The following DOK2 variants were observed in gnomAD, a reference collection of about 807,000 sequenced individuals.
The protein encoded by DOK2 is docking protein 2.
DOK2 carries 28 observed loss-of-function variants against 26.0 expected under a neutral mutation model. The observed-to-expected ratio is 1.08, with a 90% CI of 0.80 to 1.48. The LOEUF (loss-of-function observed/expected upper bound fraction) is 1.48, where lower values mean the gene tolerates loss of function less well. DOK2 is among the 40% of genes most tolerant of loss of function. DOK2 has a pLI of 0.00. For synonymous variants in DOK2, 282 were observed against 236.9 expected (o/e 1.19, Z -1.75); for missense variants, 682 against 558.2 (o/e 1.22, Z -2.23).
At chr8:21,910,883 G>T in intron 3 of DOK2, 26 bp from the exon 4 acceptor site, 1 of 1,576,630 alleles carries the variant, frequency 6.3e-7, no homozygotes, top group South Asian at 1.2e-5. Flanking sequence ...GAGAGAAGGC[G>T]AAGGCAGTTA....
At chr8:21,913,503 G>T in intron 1 of DOK2, 36 bp downstream of exon 1, 1 of 1,612,118 alleles carries the variant, frequency 6.2e-7, no homozygotes, top group Non-Finnish European at 8.5e-7. Context: ...AGCCTCCCAG[G>T]CCCCCTGCCC....
intron 3 of DOK2, 195 bp from the exon 4 acceptor site, chr8:21,911,052 C>G (rs1047986624): frequency 1.6e-5 from 10 of 626,002 alleles, no homozygotes; most frequent in Non-Finnish European, 2.5e-5. Context: ...CCAGGTACCT[C>G]CACCCCCTAC....
In DOK2 at chr8:21,909,501, C is replaced by T; in HGVS notation, c.1049G>A (p.Gly350Glu). ...RPDHIYDEPE[G>E]VAALSLYDSP... is the part of the protein sequence containing the mutation. ...GTCATAGAGGGACAGGGCAGCCACT[C>T]CCTCGGGCTCATCGTATATGTGGTC... is the stretch of plus-strand genomic sequence containing the variant. Residue 350 changes from glycine (G) to glutamate (E), a missense_variant, in exon 5 of 5, where the codon GGA becomes GAA. Coordinates refer to ENST00000276420, the MANE Select transcript of DOK2 (RefSeq NM_003974.4). The T allele has an allele frequency of 6.2e-7, 1 of 1,614,112 alleles. No homozygotes were observed. The highest frequency in any genetic ancestry group is 8.5e-7 in the Non-Finnish European group (1 of 1,180,014).
rs1310419196 is a variant in DOK2, at chr8:21,909,464, C to A, written c.1086G>T (p.Glu362Asp). Residue 362 changes from glutamate to aspartate, a missense_variant, in exon 5 of 5, where the codon GAG becomes GAT. Physicochemically the swap from Glu to Asp is conservative, Grantham distance 45. Coordinates refer to ENST00000276420, the MANE Select transcript of DOK2 (RefSeq NM_003974.4). ...AALSLYDSPQ[E>D]PRGEAWRRQA... is the part of the protein sequence containing the mutation. The stretch of plus-strand genomic sequence containing the variant: ...GCCTCCTCCATGCCTCACCCCGGGG[C>A]TCCTGCGGGCTGTCATAGAGGGACA... 1.2e-6 allele frequency: 2 copies of A among 1,613,582 alleles called. No homozygotes were observed. The highest frequency in any genetic ancestry group is 1.7e-6 in the Non-Finnish European group (2 of 1,179,622).
intron 1 of DOK2, among the ~76,000 whole-genome samples, chr8:21,913,251 A>G (rs1018072888): frequency 1.3e-5 from 2 of 152,134 alleles, no homozygotes; most frequent in African/African-American, 4.8e-5. Context: ...AGAAGTCAAC[A>G]TAGAGCAAGA....
rs1809937418 is a variant in DOK2 at position 21,913,529 on chromosome 8, T to C, written c.63+10A>G. ...CCCCCTGCCCAACCCCAGCCCAGCCTCACTCCTACCTTTCCAAACGTCTGC... is the reference window on the plus strand; with the variant it reads ...CCCCCTGCCCAACCCCAGCCCAGCCCCACTCCTACCTTTCCAAACGTCTGC... On this transcript the variant is annotated intron_variant, in intron 1 of 4. Transcript: ENST00000276420. 2 of 1,613,810 alleles carry C rather than the reference T, an allele frequency of 1.2e-6. No individual in the cohort carries two copies. The highest frequency in any genetic ancestry group is 1.7e-6 in the Non-Finnish European group (2 of 1,179,980).
chr8:21,912,436 G>A lies in DOK2; in HGVS notation c.138C>T (p.Gly46=). ...CCTCACACCGACGAGGCTTCTCCGG[G>A]CCCTCCTGCAGCTCCAGCCGGGCCA... ...CALARLELQE[G]PEKPRRCEAA... is the part of the protein sequence containing the mutation. The change falls in exon 2 of 5, where the codon GGC becomes GGT. Residue 46 remains glycine, a synonymous_variant. Transcript: ENST00000276420. 6.4e-7 allele frequency: 1 copy of A among 1,573,268 alleles called. No individual in the cohort carries two copies. The highest frequency in any genetic ancestry group is 2.4e-5 in the East Asian group (1 of 42,292).
intron 2 of DOK2, 94 bp downstream of exon 2, chr8:21,912,135 C>A: frequency 6.8e-7 from 1 of 1,473,674 alleles, no homozygotes; most frequent in Non-Finnish European, 9.0e-7. Context: ...CCCCATCACC[C>A]TGACCTTGAC....
chr8:21,909,668 G>T lies in DOK2; in HGVS notation c.882C>A (p.Gly294=). The T allele has an allele frequency of 6.2e-7, 1 of 1,612,982 alleles. No homozygotes were observed. Among genetic ancestry groups the T allele is most frequent in the Non-Finnish European group, 8.5e-7 (1 of 1,180,016 alleles). Residue 294 remains glycine, a synonymous_variant, in exon 5 of 5, where the codon GGC becomes GGA. Transcript: ENST00000276420. The stretch of plus-strand genomic sequence containing the variant: ...AGGGCACGGCATACTCCCCCTCCTG[G>T]CCCCGAGGCCGTGGAGCAGGCACCG... ...TTPVPAPRPR[G]QEGEYAVPFD...
intron 4 of DOK2, among the ~76,000 whole-genome samples, chr8:21,910,261 C>G (rs919569754): frequency 6.6e-6 from 1 of 152,014 alleles, no homozygotes; most frequent in Non-Finnish European, 1.5e-5. Flanking sequence ...ATTACAGGCA[C>G]GAGCCACCGC....
In DOK2 at chr8:21,912,518, A is replaced by G. The variant is rs1183503242; in HGVS notation, c.64-8T>C. ...GCCGAAGCGGCGCCATTTCTGTGCC[A>G]GAGGCGTGGGAGGCGGGGGCGGGAG... On this transcript the variant is annotated splice_region_variant and splice_polypyrimidine_tract_variant and intron_variant, in intron 1 of 4. Transcript: ENST00000276420. The G allele has an allele frequency of 6.6e-6, 10 of 1,503,812 alleles. No individual in the cohort carries two copies. Among genetic ancestry groups the G allele is most frequent in the Non-Finnish European group, 8.9e-6 (10 of 1,128,750 alleles). The allele number at this position is 1,503,812 out of a possible 1,614,324, so 93.2% of individuals were successfully genotyped here.
Position 21,909,866 on chromosome 8 carries a change from G to A in DOK2, c.684C>T (p.Thr228=). ...CCAAGAAGATCTCATTGCCTTGCCG[G>A]GTTTCGAACTCAAAGTTGCCCTCTC... ...VSGEGNFEFE[T]RQGNEIFLAL... is the part of the protein sequence containing the mutation. Residue 228 remains threonine (T), a synonymous_variant, in exon 5 of 5, where the codon ACC becomes ACT. Transcript: ENST00000276420. The A allele has an allele frequency of 6.2e-7, 1 of 1,613,872 alleles. No homozygotes were observed. Among genetic ancestry groups the A allele is most frequent in the South Asian group, 1.1e-5 (1 of 91,084 alleles).
At position 21,912,526 on chromosome 8, in the gene DOK2, G is replaced by T; in HGVS notation, c.64-16C>A. 1 of 1,486,766 alleles carries T rather than the reference G, an allele frequency of 6.7e-7. No homozygotes were observed. The allele number at this position is 1,486,766 out of a possible 1,614,324, so 92.1% of individuals were successfully genotyped here. A position where few individuals can be genotyped will look rare whatever the true frequency, so the allele number is the denominator to read the frequency against. ...GGCGCCATTTCTGTGCCAGAGGCGT[G>T]GGAGGCGGGGGCGGGAGGGAGCCAC... On this transcript the variant is annotated splice_polypyrimidine_tract_variant and intron_variant, in intron 1 of 4. Coordinates refer to ENST00000276420, the MANE Select transcript of DOK2 (RefSeq NM_003974.4).
chr8:21,910,555 T>C, intron 4 of DOK2, 118 bp downstream of exon 4: 1 of 1,306,416 alleles, frequency 7.7e-7, no homozygotes, highest in Middle Eastern at 1.8e-4. Flanking sequence ...GTCACTCTAT[T>C]CTTTGCTTCA....
In DOK2 at chr8:21,912,414, C is replaced by A; in HGVS notation, c.160G>T (p.Glu54Ter). The A allele has an allele frequency of 6.3e-7, 1 of 1,586,322 alleles. No individual in the cohort carries two copies. The highest frequency in any genetic ancestry group is 8.6e-7 in the Non-Finnish European group (1 of 1,168,130). Residue 54 changes from glutamate to a stop codon, truncating the protein, a stop_gained, in exon 2 of 5, where the codon GAG (glutamate) becomes TAG (stop). Coordinates refer to ENST00000276420, the MANE Select transcript of DOK2 (RefSeq NM_003974.4). LOFTEE classifies it high-confidence loss of function. ...AGGCGGATGACCTTCCGGGCAGCCT[C>A]ACACCGACGAGGCTTCTCCGGGCCC... ...QEGPEKPRRC[E>*]AARKVIRLSD...
In DOK2 at chr8:21,912,037, C is replaced by T. The variant is rs763226058; in HGVS notation, c.346-49G>A. 3.9e-6 allele frequency: 6 copies of T among 1,528,438 alleles called. No homozygotes were observed. In the African/African-American group the frequency reaches 8.3e-5, roughly 21 times the overall value. The allele number at this position is 1,528,438 out of a possible 1,614,324, so 94.7% of individuals were successfully genotyped here. A position where few individuals can be genotyped will look rare whatever the true frequency, so the allele number is the denominator to read the frequency against. ...ATCACCTTCCCCGATCCCCAGGCCCCCCTCTGGCCCAGGCCTTCTTTCAGG... is the reference window on the plus strand; with the variant it reads ...ATCACCTTCCCCGATCCCCAGGCCCTCCTCTGGCCCAGGCCTTCTTTCAGG... On this transcript the variant is annotated intron_variant, in intron 2 of 4. Coordinates refer to ENST00000276420, the MANE Select transcript of DOK2 (RefSeq NM_003974.4).
intron 4 of DOK2, 70 bp downstream of exon 4, chr8:21,910,603 T>C (rs1333397555): frequency 6.3e-7 from 1 of 1,583,732 alleles, no homozygotes; most frequent in Non-Finnish European, 8.6e-7. Context: ...ATCCCCTCGC[T>C]GCTTCTCACC....
chr8:21,909,972 G>A (rs1304412253), intron 4 of DOK2, 41 bp from the exon 5 acceptor site: 16 of 1,531,672 alleles, frequency 1.0e-5, no homozygotes, highest in Non-Finnish European at 1.3e-5. Flanking sequence ...AGGCCACAGG[G>A]CAGGGGTGCA....
chr8:21,912,752 A>G (rs979236912), intron 1 of DOK2, among the ~76,000 whole-genome samples: 1 of 152,164 alleles, frequency 6.6e-6, no homozygotes, highest in East Asian at 1.9e-4. Flanking sequence ...AAGAGCAGAG[A>G]CTGCCCAGGC....
Sources: gnomAD v4.1 joint callset for allele counts (sites outside exome capture counted in the v4.1 genomes callset) on GRCh38, gnomAD v4.1.1 for gene constraint, MANE v1.5 for transcripts, NCBI Gene and HGNC (gene_info 2026-07-23, HGNC 2026-07-21) for gene names.